The following ANKS1B variants were observed in gnomAD, a reference collection of about 807,000 sequenced individuals.
ANKS1B encodes ankyrin repeat and sterile alpha motif domain-containing protein 1B.
In ANKS1B, 36 loss-of-function variants were observed where a neutral mutation model predicts 148.3. The ratio of observed to expected loss-of-function variants is 0.24; its 90% CI spans 0.19 to 0.32. The LOEUF is 0.32. Ranked by LOEUF, ANKS1B falls within the 10% of genes least tolerant of loss-of-function variation. The pLI is 1.00. For synonymous variants in ANKS1B, 542 were observed against 560.8 expected, an observed-to-expected ratio of 0.97 and a Z score of 0.47; for missense variants, 1,157 against 1,542.6, an observed-to-expected ratio of 0.75 and a Z score of 4.19.
At chr12:98,970,465 T>C (rs2099882246) in intron 17 of ANKS1B, among the ~76,000 whole-genome samples, 1 of 152,222 alleles carries the variant, frequency 6.6e-6, no homozygotes, top group South Asian at 2.1e-4. Flanking sequence ...ATCTGTTCAG[T>C]GACTGCCTGA....
At chr12:99,320,303 G>C (rs1427949163) in intron 12 of ANKS1B, among the ~76,000 whole-genome samples, 1 of 152,122 alleles carries the variant, frequency 6.6e-6, no homozygotes, top group African/African-American at 2.4e-5. Flanking sequence ...ACTTGGTTCT[G>C]TTCTCCCCGT....
chr12:99,204,510 A>G (rs1029193992), intron 14 of ANKS1B, among the ~76,000 whole-genome samples: 4 of 152,360 alleles, frequency 2.6e-5, no homozygotes, highest in Non-Finnish European at 5.9e-5. Flanking sequence ...CTGTGTTTCC[A>G]TGGATCAAGT....
intron 14 of ANKS1B, among the ~76,000 whole-genome samples, chr12:99,210,462 T>C (rs566918448): frequency 2.0e-4 from 30 of 152,304 alleles, no homozygotes; most frequent in African/African-American, 7.0e-4. Context: ...TTAAATCAGA[T>C]TGGTCATGTC....
chr12:99,149,286 A>T (rs2074189539), intron 15 of ANKS1B, among the ~76,000 whole-genome samples: 1 of 152,138 alleles, frequency 6.6e-6, no homozygotes, highest in South Asian at 2.1e-4. Context: ...ATGGGAAAAA[A>T]GTTTTAATGA....
At chr12:99,763,411 G>C (rs1349496987) in intron 8 of ANKS1B, among the ~76,000 whole-genome samples, 2 of 152,148 alleles carry the variant, frequency 1.3e-5, no homozygotes, top group Non-Finnish European at 2.9e-5. Flanking sequence ...AATACCACTT[G>C]TTCTTACTCG....
chr12:98,946,243 G>A (rs1031818417), intron 17 of ANKS1B, among the ~76,000 whole-genome samples: 1 of 152,166 alleles, frequency 6.6e-6, no homozygotes, highest in African/African-American at 2.4e-5. Context: ...AACTTCTGCA[G>A]GCATCTTATT....
At chr12:99,207,907 AAAGG>A (rs1410606861) in intron 14 of ANKS1B, among the ~76,000 whole-genome samples, 1 of 152,042 alleles carries the variant, frequency 6.6e-6, no homozygotes, top group African/African-American at 2.4e-5. Flanking sequence ...GAATCTTGTG[AAAGG>A]AACTCTATAA....
chr12:99,308,538 T>C (rs925117129), intron 12 of ANKS1B, among the ~76,000 whole-genome samples: 2 of 152,048 alleles, frequency 1.3e-5, no homozygotes, highest in Non-Finnish European at 2.9e-5. Flanking sequence ...TCTTAATTAC[T>C]AATAGTTTCA....
chr12:99,035,952 C>A (rs2099955290), intron 17 of ANKS1B, among the ~76,000 whole-genome samples: 1 of 152,174 alleles, frequency 6.6e-6, no homozygotes, highest in Admixed American at 6.5e-5. Context: ...CTGCTCAGGG[C>A]ACATCCTGAT....
At chr12:98,836,223 T>C (rs1017230811) in intron 17 of ANKS1B, among the ~76,000 whole-genome samples, 1 of 152,252 alleles carries the variant, frequency 6.6e-6, no homozygotes, top group African/African-American at 2.4e-5. Flanking sequence ...CTTTGAGTTA[T>C]CATGTTTAAA....
intron 10 of ANKS1B, among the ~76,000 whole-genome samples, chr12:99,477,556 A>G (rs1341893753): frequency 3.3e-5 from 5 of 152,096 alleles, no homozygotes; most frequent in African/African-American, 1.2e-4. Flanking sequence ...TAATTTCTCT[A>G]TGTCTCAGCT....
At chr12:99,183,273 A>G (rs2079359880) in intron 14 of ANKS1B, among the ~76,000 whole-genome samples, 1 of 152,212 alleles carries the variant, frequency 6.6e-6, no homozygotes, top group South Asian at 2.1e-4. Context: ...GGAATATTCA[A>G]CAGTTGGATT....
intron 1 of ANKS1B, among the ~76,000 whole-genome samples, chr12:99,969,043 T>C (rs747441573): frequency 4.6e-5 from 7 of 152,148 alleles, no homozygotes; most frequent in Non-Finnish European, 7.3e-5. Flanking sequence ...TATTTCTTTA[T>C]AGCAACACAA....
intron 17 of ANKS1B, among the ~76,000 whole-genome samples, chr12:98,948,768 C>CT (rs2099849208): frequency 9.7e-6 from 1 of 103,560 alleles, no homozygotes; most frequent in African/African-American, 5.0e-5. Flanking sequence ...CACACCCACA[C>CT]CCCCCCCCAC....
intron 9 of ANKS1B, among the ~76,000 whole-genome samples, chr12:99,515,021 A>C (rs917782134): frequency 1.3e-5 from 2 of 150,016 alleles, no homozygotes; most frequent in Admixed American, 1.3e-4. Flanking sequence ...AAAAAAAAAA[A>C]CTTTTAAATA....
chr12:99,125,954 G>T (rs1015864964), intron 15 of ANKS1B, among the ~76,000 whole-genome samples: 1 of 151,542 alleles, frequency 6.6e-6, no homozygotes, highest in Non-Finnish European at 1.5e-5. Flanking sequence ...AAAAATAAAA[G>T]ATAGGAAAGA....
intron 21 of ANKS1B, among the ~76,000 whole-genome samples, chr12:98,800,182 A>C (rs1398965401): frequency 6.6e-6 from 1 of 151,456 alleles, no homozygotes; most frequent in Non-Finnish European, 1.5e-5. Context: ...CAATATAAGT[A>C]AGCTTTAGTA....
intron 10 of ANKS1B, among the ~76,000 whole-genome samples, chr12:99,450,224 C>T (rs186624796): frequency 8.2e-4 from 125 of 152,248 alleles, no homozygotes; most frequent in Non-Finnish European, 1.3e-3. Flanking sequence ...CCCCTTTACT[C>T]GGCCTTTTTG....
chr12:99,718,136 G>C (rs1327426129), intron 8 of ANKS1B, among the ~76,000 whole-genome samples: 2 of 151,782 alleles, frequency 1.3e-5, no homozygotes, highest in African/African-American at 4.8e-5. Context: ...ATCTGACCTC[G>C]TGATCCGCCC....
Sources: gnomAD v4.1 joint callset for allele counts (sites outside exome capture counted in the v4.1 genomes callset) on GRCh38, gnomAD v4.1.1 for gene constraint, MANE v1.5 for transcripts, NCBI Gene and HGNC (gene_info 2026-07-23, HGNC 2026-07-21) for gene names.